Variants in MON2 observed in about 807,000 individuals in gnomAD.
MON2 encodes protein MON2 homolog.
A neutral mutation model predicts 208.6 loss-of-function variants in MON2; 84 were observed. The ratio of observed to expected loss-of-function variants is 0.40; its 90% CI spans 0.34 to 0.48. The LOEUF is 0.48. Ranked by LOEUF, MON2 falls within the 20% of genes least tolerant of loss-of-function variation. The probability of loss-of-function intolerance (pLI) is 0.59; values close to 1 mark genes in which losing one functional copy is unlikely to be tolerated. For synonymous variants in MON2, 660 were observed against 694.0 expected, an observed-to-expected ratio of 0.95 and a Z score of 0.77; for missense variants, 1,611 against 2,015.4, an observed-to-expected ratio of 0.80 and a Z score of 3.84.
chr12:62,480,217 A>C (rs974669015), intron 1 of MON2, among the ~76,000 whole-genome samples: 3 of 152,208 alleles, frequency 2.0e-5, no homozygotes, highest in Admixed American at 2.0e-4. Flanking sequence ...GAATTTAGGA[A>C]TGAAAATACT....
chr12:62,563,726 T>C (rs1478403673), intron 26 of MON2, among the ~76,000 whole-genome samples: 1 of 152,138 alleles, frequency 6.6e-6, no homozygotes, highest in Admixed American at 6.6e-5. Flanking sequence ...TGTTTTCTTA[T>C]CATAAAGGAC....
chr12:62,559,828 A>T (rs929912565), intron 25 of MON2: 1 of 152,020 alleles, frequency 6.6e-6, no homozygotes, highest in Non-Finnish European at 1.5e-5. Context: ...AAATATGAAA[A>T]CTAAAGTATA....
chr12:62,546,886 C>T lies in MON2; in HGVS notation c.2578-11C>T. ...CTTCTCTTCCTAATTAGTTTCTTGC[C>T]CCCTTTTCAGAGGCTGCAGTTGCTT... On this transcript the variant is annotated splice_polypyrimidine_tract_variant and intron_variant, in intron 21 of 34. Coordinates refer to ENST00000393630, the MANE Select transcript of MON2 (RefSeq NM_015026.3). 1 of 1,578,308 alleles carries T rather than the reference C, an allele frequency of 6.3e-7. No individual in the cohort carries two copies. Among genetic ancestry groups the T allele is most frequent in the Non-Finnish European group, 8.6e-7 (1 of 1,160,874 alleles).
chr12:62,565,246 G>A lies in MON2; in HGVS notation c.4042G>A (p.Val1348Ile), dbSNP rs1462606872. The A allele has an allele frequency of 1.2e-6, 2 of 1,612,142 alleles. No homozygotes were observed. Among genetic ancestry groups the A allele is most frequent in the African/African-American group, 1.3e-5 (1 of 74,800 alleles). The change falls in exon 27 of 35, where the codon GTA becomes ATA. Residue 1348 changes from valine to isoleucine, a missense_variant. By Grantham distance (29) the Val-to-Ile change is conservative. Coordinates refer to ENST00000393630, the MANE Select transcript of MON2 (RefSeq NM_015026.3). ...TATTTTGCTTTTATAGGCCATTTGTGTAGGACCAGAAAACATGCAGATAAT... is the reference window on the plus strand; with the variant it reads ...TATTTTGCTTTTATAGGCCATTTGTATAGGACCAGAAAACATGCAGATAAT... The part of the protein sequence containing the change: ...ALDVLQKAIC[V>I]GPENMQIMYP...
chr12:62,506,233 A>G (rs1256011478), intron 7 of MON2, among the ~76,000 whole-genome samples: 1 of 152,222 alleles, frequency 6.6e-6, no homozygotes, highest in Non-Finnish European at 1.5e-5. Flanking sequence ...ATGTGAGAGT[A>G]TAATTTCAAA....
intron 7 of MON2, among the ~76,000 whole-genome samples, chr12:62,505,264 G>A (rs1277145080): frequency 1.3e-5 from 2 of 152,184 alleles, no homozygotes; most frequent in Admixed American, 6.6e-5. Flanking sequence ...GTATCTGTGA[G>A]ACATGCAAAA....
chr12:62,494,250 G>A (rs771346169), intron 3 of MON2, among the ~76,000 whole-genome samples: 5 of 152,116 alleles, frequency 3.3e-5, no homozygotes, highest in Non-Finnish European at 7.3e-5. Context: ...TGTAATCTAA[G>A]AAGTCACAGT....
chr12:62,584,579 T>C (rs1445816490), intron 32 of MON2, among the ~76,000 whole-genome samples: 2 of 151,928 alleles, frequency 1.3e-5, no homozygotes, highest in African/African-American at 4.8e-5. Context: ...GGCACGTGCC[T>C]GTAGTCCCAG....
Position 62,594,902 on chromosome 12 carries a change from C to G in MON2, c.*2153C>G, listed in dbSNP as rs1279410198. On this transcript the variant is annotated 3_prime_UTR_variant, in exon 35 of 35. Transcript: ENST00000393630. ...TTCCTCCAGAATATTTCCTGTCACCCTCCAAGAGTCACTACAGTAATTGAT... is the reference window on the plus strand; with the variant it reads ...TTCCTCCAGAATATTTCCTGTCACCGTCCAAGAGTCACTACAGTAATTGAT... The G allele has an allele frequency of 6.6e-6, 1 of 152,174 alleles. No individual in the cohort carries two copies. The highest frequency in any genetic ancestry group is 6.5e-5 in the Admixed American group (1 of 15,276). The allele number at this position is 152,174 out of a possible 1,614,324, so 9.4% of individuals were successfully genotyped here. A position where few individuals can be genotyped will look rare whatever the true frequency, so the allele number is the denominator to read the frequency against.
intron 26 of MON2, among the ~76,000 whole-genome samples, chr12:62,562,672 C>G (rs1170135055): frequency 6.6e-6 from 1 of 152,070 alleles, no homozygotes; most frequent in Non-Finnish European, 1.5e-5. Context: ...GCCAAATTTA[C>G]TTGCTTTTGG....
chr12:62,560,702 G>C lies in MON2; in HGVS notation c.3621G>C (p.Arg1207Ser). The C allele has an allele frequency of 1.2e-6, 2 of 1,614,086 alleles. No homozygotes were observed. The highest frequency in any genetic ancestry group is 1.7e-6 in the Non-Finnish European group (2 of 1,180,002). Residue 1207 changes from arginine to serine, a missense_variant, in exon 26 of 35, where the codon AGG (arginine) becomes AGC (serine). Transcript: ENST00000393630. ...VLIGPISGMS[R>S]PFVRTDSIGE... ...TAGGGCCCATATCAGGCATGAGCAGGCCATTTGTAAGAACAGATTCCATTG... is the reference window on the plus strand; with the variant it reads ...TAGGGCCCATATCAGGCATGAGCAGCCCATTTGTAAGAACAGATTCCATTG...
intron 11 of MON2, among the ~76,000 whole-genome samples, chr12:62,530,983 G>C (rs573973102): frequency 6.6e-6 from 1 of 152,238 alleles, no homozygotes; most frequent in South Asian, 2.1e-4. Context: ...CTAATTACTG[G>C]TGACAAGCAT....
intron 6 of MON2, 102 bp from the exon 7 acceptor site, chr12:62,501,471 T>G: frequency 7.3e-7 from 1 of 1,362,506 alleles, no homozygotes; most frequent in Non-Finnish European, 1.0e-6. Flanking sequence ...CAAAAACATG[T>G]ATTATATAAG....
intron 9 of MON2, 101 bp downstream of exon 9, chr12:62,524,740 A>G (rs1019066772): frequency 8.7e-7 from 1 of 1,144,148 alleles, no homozygotes; most frequent in Non-Finnish European, 1.2e-6. Flanking sequence ...GACTTTTGGT[A>G]TTTATTCCCA....
chr12:62,468,172 C>CA (rs201380712), intron 1 of MON2, among the ~76,000 whole-genome samples: 51 of 148,976 alleles, frequency 3.4e-4, no homozygotes, highest in African/African-American at 1.1e-3. Context: ...AAAAAACAAA[C>CA]AAAAAAACCC....
At position 62,469,885 on chromosome 12, in the gene MON2, TA is replaced by T. The variant is rs1358370503; in HGVS notation, c.111+2568del. On this transcript the variant is annotated intron_variant, in intron 1 of 34. Coordinates refer to ENST00000393630, the MANE Select transcript of MON2 (RefSeq NM_015026.3). ...TGGCCATAGTGCTTGACTATTATTT[TA>T]TTTATTTATTTATTTATTTATTTAT... 5.9e-4 allele frequency among the ~76,000 whole-genome samples: 17 copies of T among 28,974 alleles called. No individual in the cohort carries two copies. In the South Asian group the frequency reaches 6.8e-3, roughly 12 times the overall value. 19.0% of individuals were successfully genotyped at this position (28,974 alleles called of 152,430 possible).
rs757122851 is a variant in MON2, at chr12:62,526,083, G to T, written c.1381G>T (p.Gly461Cys). 6 of 1,613,820 alleles carry T rather than the reference G, an allele frequency of 3.7e-6. No homozygotes were observed. In the Admixed American group the frequency reaches 1.0e-4, roughly 27 times the overall value. ...WIPILTITVQ[G>C]SAKATYLEML... ...ACCTATTCTGACAATCACAGTTCAA[G>T]GCAGTGCTAAAGCCACCTAGTAAGT... The change falls in exon 11 of 35, where the codon GGC becomes TGC. Residue 461 changes from glycine (G) to cysteine (C), a missense_variant. Coordinates refer to ENST00000393630, the MANE Select transcript of MON2 (RefSeq NM_015026.3).
rs562863086 is a variant in MON2, at chr12:62,484,502, C to T, written c.175+269C>T. Among the ~76,000 whole-genome samples, 153 of 152,322 alleles carry T rather than the reference C, an allele frequency of 1.0e-3. 1 individual carries two copies. Among genetic ancestry groups the T allele is most frequent in the African/African-American group, 3.5e-3 (145 of 41,584 alleles). ...CAAGGAATTTTTTCTTACTCATCTT[C>T]GCATTCTCCTCCACTTCCTGCTAAT... On this transcript the variant is annotated intron_variant, in intron 2 of 34. Coordinates refer to ENST00000393630, the MANE Select transcript of MON2 (RefSeq NM_015026.3).
rs1275768820 is a variant in MON2 at position 62,595,454 on chromosome 12, A to C, written c.*2705A>C. 6.6e-6 allele frequency: 1 copy of C among 152,178 alleles called. No homozygotes were observed. Among genetic ancestry groups the C allele is most frequent in the African/African-American group, 2.4e-5 (1 of 41,434 alleles). The allele number at this position is 152,178 out of a possible 1,614,324, so 9.4% of individuals were successfully genotyped here. ...GCCACTGCGCCCAGCCAATACCATG[A>C]GTTTTAAGCCTCACATCGTCACTTG... On this transcript the variant is annotated 3_prime_UTR_variant, in exon 35 of 35. Coordinates refer to ENST00000393630, the MANE Select transcript of MON2 (RefSeq NM_015026.3).
Sources: gnomAD v4.1 joint callset for allele counts (sites outside exome capture counted in the v4.1 genomes callset) on GRCh38, gnomAD v4.1.1 for gene constraint, MANE v1.5 for transcripts, NCBI Gene and HGNC (gene_info 2026-07-23, HGNC 2026-07-21) for gene names.